Variants in PYM1 observed in about 807,000 individuals in gnomAD.
PYM1 encodes the protein PYM1 exon junction complex associated factor, also known as partner of Y14 and mago.
PYM1 carries 7 observed loss-of-function variants against 20.7 expected under a neutral mutation model. That is an observed-to-expected ratio of 0.34 (90% CI 0.19 to 0.64). PYM1 has a LOEUF of 0.64. Ranked by LOEUF, PYM1 falls within the 30% of genes least tolerant of loss-of-function variation. The pLI, the probability that PYM1 is intolerant of heterozygous loss-of-function variation, is 0.74. For missense variants in PYM1, 194 were observed against 250.0 expected (o/e 0.78, Z 1.51); for synonymous variants, 100 against 99.2 (o/e 1.01, Z -0.05).
At chr12:55,902,531 G>C (rs1424691403) in intron 2 of PYM1, among the ~76,000 whole-genome samples, 176 bp from the exon 3 acceptor site, 1 of 152,182 alleles carries the variant, frequency 6.6e-6, no homozygotes, top group Non-Finnish European at 1.5e-5. Flanking sequence ...AGGCTGGAGT[G>C]TAATGGCGCA....
chr12:55,905,098 T>G (rs994155553), intron 1 of PYM1, among the ~76,000 whole-genome samples: 3 of 151,156 alleles, frequency 2.0e-5, no homozygotes, highest in African/African-American at 7.3e-5. Context: ...GCCTCCCGGG[T>G]TCACGCCATT....
chr12:55,925,922 GA>G (rs1883179500), intron 1 of PYM1, among the ~76,000 whole-genome samples: 1 of 152,236 alleles, frequency 6.6e-6, no homozygotes. Context: ...AGAACAGAAG[GA>G]AAGAGGTAGT....
chr12:55,927,238 G>A (rs1287439644), intron 1 of PYM1: 1 of 1,316,604 alleles, frequency 7.6e-7, no homozygotes, highest in South Asian at 1.3e-5. Context: ...TTTCATGGGC[G>A]GAGGTGGAGG....
At position 55,926,962 on chromosome 12, in the gene PYM1, G is replaced by T. The variant is rs705716; in HGVS notation, c.37+763C>A. Reference sequence around the variant, plus strand: ...AGAGAATGAATGGGGAAGGCGGTCCGGGGGGCGGGGCAAAGGAGGGGCCCC... The same window carrying T: ...AGAGAATGAATGGGGAAGGCGGTCCTGGGGGCGGGGCAAAGGAGGGGCCCC... On this transcript the variant is annotated intron_variant, in intron 1 of 2. Transcript: ENST00000408946. 8.2e-3 allele frequency: 9,352 copies of T among 1,134,160 alleles called. 602 individuals are homozygous for T. In the African/African-American group the frequency reaches 0.13, roughly 16 times the overall value. 70.3% of individuals were successfully genotyped at this position (1,134,160 alleles called of 1,614,324 possible). A position where few individuals can be genotyped will look rare whatever the true frequency, so the allele number is the denominator to read the frequency against.
At chr12:55,922,559 G>A (rs1373125697) in intron 1 of PYM1, among the ~76,000 whole-genome samples, 1 of 151,672 alleles carries the variant, frequency 6.6e-6, no homozygotes, top group African/African-American at 2.4e-5. Flanking sequence ...CAAGATTTCA[G>A]TGAGCCATGA....
chr12:55,917,476 A>G (rs1883027826), intron 1 of PYM1, among the ~76,000 whole-genome samples: 1 of 152,160 alleles, frequency 6.6e-6, no homozygotes. Flanking sequence ...AGCCATAAAG[A>G]GCAAAATAAT....
chr12:55,916,412 T>TAC (rs1883008035), intron 1 of PYM1, among the ~76,000 whole-genome samples: 1 of 152,020 alleles, frequency 6.6e-6, no homozygotes, highest in South Asian at 2.1e-4. Context: ...TGCCAAAGCT[T>TAC]ACACACCATC....
chr12:55,912,538 C>A (rs1008649208), intron 1 of PYM1, among the ~76,000 whole-genome samples: 5 of 151,492 alleles, frequency 3.3e-5, no homozygotes, highest in African/African-American at 9.7e-5. Context: ...GAGCCAAGAT[C>A]GTGCCATCGC....
intron 1 of PYM1, among the ~76,000 whole-genome samples, chr12:55,923,832 C>T (rs1883141561): frequency 6.6e-6 from 1 of 151,914 alleles, no homozygotes; most frequent in Non-Finnish European, 1.5e-5. Flanking sequence ...AATCCCAGCA[C>T]TTTGGGAGGC....
intron 1 of PYM1, among the ~76,000 whole-genome samples, chr12:55,905,930 TCTAA>T (rs1274139711): frequency 1.7e-5 from 2 of 118,204 alleles, no homozygotes; most frequent in East Asian, 2.2e-4. Context: ...ATTATATATA[TCTAA>T]TAGATATATA....
Position 55,903,430 on chromosome 12 carries a change from G to A in PYM1, c.88C>T (p.Arg30Trp), listed in dbSNP as rs2136256247. Reference sequence around the variant, plus strand: ...GGCACATATCCTTCTTTCACCCTCCGCTGCTTGCGCCAGGTCCCGTCAGGT... The same window carrying A: ...GGCACATATCCTTCTTTCACCCTCCACTGCTTGCGCCAGGTCCCGTCAGGT... ...QRPDGTWRKQ[R>W]RVKEGYVPQE... The change falls in exon 2 of 3, where the codon CGG becomes TGG. Residue 30 changes from arginine to tryptophan, a missense_variant. This residue lies in a region of PYM1 where 17 missense variants were observed against 53.1 expected (regional missense o/e 0.32). Coordinates refer to ENST00000408946, the MANE Select transcript of PYM1 (RefSeq NM_032345.3). The A allele has an allele frequency of 1.2e-6, 2 of 1,613,940 alleles. No individual in the cohort carries two copies. Among genetic ancestry groups the A allele is most frequent in the South Asian group, 1.1e-5 (1 of 91,070 alleles).
intron 1 of PYM1, among the ~76,000 whole-genome samples, chr12:55,908,294 G>A (rs1752908129): frequency 6.6e-6 from 1 of 151,720 alleles, no homozygotes; most frequent in African/African-American, 2.4e-5. Context: ...AGCTGGGCAT[G>A]GTGGCACGTT....
At chr12:55,910,928 A>G (rs979829742) in intron 1 of PYM1, among the ~76,000 whole-genome samples, 6 of 151,850 alleles carry the variant, frequency 4.0e-5, no homozygotes, top group African/African-American at 9.7e-5. Context: ...GTTCAGGTTC[A>G]GATAAAAGAT....
At chr12:55,920,699 C>A (rs1883084175) in intron 1 of PYM1, among the ~76,000 whole-genome samples, 1 of 150,378 alleles carries the variant, frequency 6.6e-6, no homozygotes, top group Admixed American at 6.6e-5. Context: ...AAGATGCATG[C>A]ACAAAAACAT....
At chr12:55,907,631 T>TG (rs1285136829) in intron 1 of PYM1, among the ~76,000 whole-genome samples, 24 of 57,484 alleles carry the variant, frequency 4.2e-4, no homozygotes, top group Admixed American at 5.3e-4. Flanking sequence ...AGACTTCGTC[T>TG]GGGAAAAAAA....
chr12:55,911,130 T>C (rs1681079), intron 1 of PYM1, among the ~76,000 whole-genome samples: 5,840 of 152,178 alleles, frequency 0.038, 381 homozygotes, highest in African/African-American at 0.13. Flanking sequence ...TTTTTTGAGA[T>C]GGAGCTTTGC....
rs189057399 is a variant in PYM1, at chr12:55,908,843, C to G, written c.38-5363G>C. On this transcript the variant is annotated intron_variant, in intron 1 of 2. Transcript: ENST00000408946. Reference sequence around the variant, plus strand: ...CTCCAGCCTGGGTGACAGAGCAAGACTCTGTCTCCAAAAAAAAAATAAAAT... The same window carrying G: ...CTCCAGCCTGGGTGACAGAGCAAGAGTCTGTCTCCAAAAAAAAAATAAAAT... Among the ~76,000 whole-genome samples, 243 of 151,768 alleles carry G rather than the reference C, an allele frequency of 1.6e-3. 2 individuals carry two copies. The highest frequency in any genetic ancestry group is 3.0e-3 in the Non-Finnish European group (204 of 67,982).
chr12:55,914,495 GT>G (rs1475556363), intron 1 of PYM1: 2 of 623,022 alleles, frequency 3.2e-6, no homozygotes, highest in African/African-American at 1.8e-5. Flanking sequence ...CACATCTGCC[GT>G]TTTTTAATTC....
intron 1 of PYM1, among the ~76,000 whole-genome samples, chr12:55,906,204 CT>C (rs1161403569): frequency 6.7e-6 from 1 of 149,798 alleles, no homozygotes; most frequent in Non-Finnish European, 1.5e-5. Context: ...GTTTGTTCAG[CT>C]TGCAATTCAG....
Sources: gnomAD v4.1 joint callset for allele counts (sites outside exome capture counted in the v4.1 genomes callset) on GRCh38, gnomAD v4.1.1 for gene constraint, gnomAD v4.1.1 regional missense constraint, MANE v1.5 for transcripts, NCBI Gene and HGNC (gene_info 2026-07-23, HGNC 2026-07-21) for gene names.